Variants in ZFYVE16 observed in about 807,000 individuals in gnomAD.
ZFYVE16 encodes zinc finger FYVE domain-containing protein 16.
ZFYVE16 carries 89 observed loss-of-function variants against 138.1 expected under a neutral mutation model. The observed-to-expected ratio is 0.64, with a 90% CI of 0.54 to 0.77. The LOEUF (loss-of-function observed/expected upper bound fraction) is 0.77, where lower values mean the gene tolerates loss of function less well. Ranked by LOEUF, ZFYVE16 falls within the 30% of genes least tolerant of loss-of-function variation. The pLI is 0.00. For synonymous variants in ZFYVE16, 596 were observed against 618.3 expected (o/e 0.96, Z 0.53); for missense variants, 1,793 against 1,786.7 (o/e 1.00, Z -0.06).
chr5:80,458,113 T>C (rs1261215751), intron 14 of ZFYVE16, among the ~76,000 whole-genome samples: 1 of 151,876 alleles, frequency 6.6e-6, no homozygotes, highest in Non-Finnish European at 1.5e-5. Flanking sequence ...TGTATTTCCT[T>C]CTTATATTAA....
chr5:80,462,279 C>G (rs529141055), intron 15 of ZFYVE16, among the ~76,000 whole-genome samples: 2 of 152,308 alleles, frequency 1.3e-5, no homozygotes, highest in African/African-American at 4.8e-5. Flanking sequence ...ACTCACAGTT[C>G]AGCGTGGCTG....
chr5:80,424,184 T>G (rs948520045), intron 1 of ZFYVE16, among the ~76,000 whole-genome samples: 6 of 151,772 alleles, frequency 4.0e-5, no homozygotes, highest in Non-Finnish European at 8.8e-5. Context: ...TGACCTCAGG[T>G]GATCCACCCA....
intron 1 of ZFYVE16, among the ~76,000 whole-genome samples, chr5:80,418,375 C>T (rs1036812370): frequency 7.6e-5 from 11 of 144,822 alleles, no homozygotes; most frequent in African/African-American, 1.0e-4. Flanking sequence ...TGCAGTAGCA[C>T]GCTCATACCT....
In ZFYVE16 at chr5:80,438,780, G is replaced by A; in HGVS notation, c.2095G>A (p.Val699Ile). The A allele has an allele frequency of 6.2e-7, 1 of 1,614,070 alleles. No homozygotes were observed. Among genetic ancestry groups the A allele is most frequent in the Non-Finnish European group, 8.5e-7 (1 of 1,179,978 alleles). Residue 699 changes from valine (V) to isoleucine (I), a missense_variant, in exon 4 of 19, where the codon GTT (valine) becomes ATT (isoleucine). Transcript: ENST00000505560. The part of the protein sequence containing the change: ...CAIDSTADPQ[V>I]SFNSNYIDIE... ...TATAGATTCTACAGCTGATCCACAG[G>A]TTAGCTTCAACTCTAATTACATTGA...
At chr5:80,468,343 G>T (rs1006852372) in intron 15 of ZFYVE16, among the ~76,000 whole-genome samples, 1 of 152,172 alleles carries the variant, frequency 6.6e-6, no homozygotes, top group Non-Finnish European at 1.5e-5. Flanking sequence ...TTGTCATTGT[G>T]CAAACTTCAT....
rs377329560 is a variant in ZFYVE16 at position 80,449,585 on chromosome 5, A to G, written c.3104-6A>G. 6 of 1,603,230 alleles carry G rather than the reference A, an allele frequency of 3.7e-6. No individual in the cohort carries two copies. In the African/African-American group the frequency reaches 6.7e-5, roughly 18 times the overall value. ...TCCTGATTAATATATTACTTTCATC[A>G]TTTAGTGCCTGTAGTAGAAGAACAT... On this transcript the variant is annotated splice_polypyrimidine_tract_variant and splice_region_variant and intron_variant, in intron 8 of 18. Coordinates refer to ENST00000505560, the MANE Select transcript of ZFYVE16 (RefSeq NM_001284236.3).
At chr5:80,476,403 TCTC>T (rs1466568636) in intron 18 of ZFYVE16, among the ~76,000 whole-genome samples, 1 of 152,058 alleles carries the variant, frequency 6.6e-6, no homozygotes, top group Non-Finnish European at 1.5e-5. Flanking sequence ...CTCAAGCAGT[TCTC>T]CTGCCTTGGC....
chr5:80,428,420 A>T (rs1288169002), intron 2 of ZFYVE16, among the ~76,000 whole-genome samples: 2 of 152,222 alleles, frequency 1.3e-5, no homozygotes, highest in East Asian at 1.9e-4. Context: ...GAAAACTAAC[A>T]AACAGAAAGG....
intron 15 of ZFYVE16, among the ~76,000 whole-genome samples, chr5:80,460,444 C>T (rs1752982472): frequency 1.3e-5 from 2 of 149,194 alleles, no homozygotes; most frequent in Admixed American, 6.6e-5. Context: ...TAATTTATGA[C>T]TCTTATGGCT....
intron 15 of ZFYVE16, among the ~76,000 whole-genome samples, chr5:80,461,537 TTTTCTCAC>T (rs531610030): frequency 2.4e-3 from 365 of 152,334 alleles, no homozygotes; most frequent in Non-Finnish European, 3.6e-3. Flanking sequence ...CATAAATGTA[TTTTCTCAC>T]AATTCTAGAG....
chr5:80,423,126 A>G (rs191850393), intron 1 of ZFYVE16, among the ~76,000 whole-genome samples: 76 of 152,294 alleles, frequency 5.0e-4, no homozygotes, highest in African/African-American at 1.7e-3. Flanking sequence ...ATGTTTGGCA[A>G]AATTCAGCAG....
chr5:80,471,389 A>C (rs1322075423), intron 15 of ZFYVE16, among the ~76,000 whole-genome samples: 1 of 152,104 alleles, frequency 6.6e-6, no homozygotes, highest in Non-Finnish European at 1.5e-5. Flanking sequence ...GAAATTACTG[A>C]TGCACACACT....
chr5:80,411,290 C>T (rs1745422510), intron 1 of ZFYVE16, among the ~76,000 whole-genome samples: 1 of 151,294 alleles, frequency 6.6e-6, no homozygotes, highest in Admixed American at 6.6e-5. Flanking sequence ...CAAGTATATG[C>T]TTATAAAAAA....
rs1340457662 is a variant in ZFYVE16 at position 80,420,413 on chromosome 5, T to G, written c.-93-7079T>G. ...TGCACCCATTAACTCATCATTTACA[T>G]TAGGTATATCTCCTAATGCTATCCC... On this transcript the variant is annotated intron_variant, in intron 1 of 18. Coordinates refer to ENST00000505560, the MANE Select transcript of ZFYVE16 (RefSeq NM_001284236.3). Among the ~76,000 whole-genome samples, 3 of 152,174 alleles carry G rather than the reference T, an allele frequency of 2.0e-5. No individual in the cohort carries two copies. The South Asian group carries it at 6.2e-4, about 31-fold the overall frequency.
chr5:80,464,881 T>A (rs1184244164), intron 15 of ZFYVE16, among the ~76,000 whole-genome samples: 1 of 152,190 alleles, frequency 6.6e-6, no homozygotes, highest in Non-Finnish European at 1.5e-5. Flanking sequence ...TGTTTAACAA[T>A]ATAATTCAGA....
chr5:80,411,114 C>A (rs1580056133), intron 1 of ZFYVE16, among the ~76,000 whole-genome samples: 1 of 147,054 alleles, frequency 6.8e-6, no homozygotes, highest in Non-Finnish European at 1.5e-5. Flanking sequence ...GCTACAGGCA[C>A]GTGCCACCAC....
Position 80,437,939 on chromosome 5 carries a change from G to T in ZFYVE16, c.1254G>T (p.Gln418His). The part of the protein sequence containing the change: ...QDAVTIHEEI[Q>H]NSVVLGGEPF... ...CAGTGACTATACATGAAGAAATACA[G>T]AACAGTGTTGTTCTAGGTGGGGAAC... The change falls in exon 4 of 19, where the codon CAG becomes CAT. Residue 418 changes from glutamine to histidine, a missense_variant. This residue lies in a region of ZFYVE16 where 1,295 missense variants were observed against 1,204.3 expected (regional missense o/e 1.08). Transcript: ENST00000505560. The T allele has an allele frequency of 6.2e-7, 1 of 1,614,000 alleles. No homozygotes were observed. The highest frequency in any genetic ancestry group is 1.1e-5 in the South Asian group (1 of 91,064).
chr5:80,414,318 GCACAACTCT>G (rs1467713181), intron 1 of ZFYVE16, among the ~76,000 whole-genome samples: 5 of 152,200 alleles, frequency 3.3e-5, no homozygotes. Context: ...TAGGCCTGTT[GCACAACTCT>G]CTTCCTGGAC....
intron 1 of ZFYVE16, among the ~76,000 whole-genome samples, chr5:80,414,742 A>G (rs1479037370): frequency 6.6e-6 from 1 of 152,224 alleles, no homozygotes; most frequent in Non-Finnish European, 1.5e-5. Context: ...AACAGCAAAT[A>G]TAATAAATAA....
Sources: allele counts gnomAD v4.1 joint callset (sites outside exome capture counted in the v4.1 genomes callset), GRCh38; gene constraint gnomAD v4.1.1; regional missense constraint gnomAD v4.1.1; transcripts MANE v1.5; gene names NCBI Gene and HGNC (gene_info 2026-07-23, HGNC 2026-07-21).